MIER2: variants seen among roughly 807,000 people sequenced by gnomAD.
MIER2 encodes MIER family member 2.
Under a neutral mutation model 67.6 loss-of-function variants are expected in MIER2, and 30 were observed. That is an observed-to-expected ratio of 0.44 (90% confidence interval 0.33 to 0.60). The LOEUF (loss-of-function observed/expected upper bound fraction) is 0.60, where lower values mean the gene tolerates loss of function less well. Among genes scored for constraint, MIER2 ranks in the 20% least tolerant of loss-of-function variants. The pLI is 0.02. For synonymous variants in MIER2, 372 were observed against 312.6 expected (o/e 1.19, Z -2.00); for missense variants, 702 against 745.1 (o/e 0.94, Z 0.67).
rs546632294 is a variant in MIER2 at position 325,798 on chromosome 19, G to A, written c.586-94C>T. On this transcript the variant is annotated intron_variant, in intron 6 of 13. Transcript: ENST00000264819. ...CGTGCTGTGGCAGGCTTACGGGGAG[G>A]GGCCACTGTCCAGACCCCAGACCCA... 1.1e-5 allele frequency: 15 copies of A among 1,393,280 alleles called. No homozygotes were observed. The Admixed American group carries it at 1.9e-4, about 17-fold the overall frequency. 86.3% of individuals were successfully genotyped at this position (1,393,280 alleles called of 1,614,324 possible). A position where few individuals can be genotyped will look rare whatever the true frequency, so the allele number is the denominator to read the frequency against.
intron 1 of MIER2, among the ~76,000 whole-genome samples, chr19:339,944 A>C (rs909503483): frequency 6.6e-6 from 1 of 152,236 alleles, no homozygotes; most frequent in African/African-American, 2.4e-5. Flanking sequence ...TGAACTGGAC[A>C]CATTAAAACG....
chr19:327,934 T>A lies in MIER2; in HGVS notation c.299A>T (p.Asp100Val). The A allele has an allele frequency of 3.1e-6, 5 of 1,612,594 alleles. No individual in the cohort carries two copies. Residue 100 changes from aspartate (D) to valine (V), a missense_variant, in exon 4 of 14, where the codon GAC becomes GTC. Physicochemically the swap from Asp to Val is radical, Grantham distance 152 (BLOSUM62 -3). Around this residue, in one of 3 missense-constraint regions of MIER2, gnomAD observed 320 missense variants for 292.6 expected, o/e 1.09. Coordinates refer to ENST00000264819, the MANE Select transcript of MIER2 (RefSeq NM_017550.3). Reference protein sequence around the residue: ...LLALYGYEASDPISDRESEGG... With the variant: ...LLALYGYEASVPISDRESEGG... ...CTCACTCTCCCGGTCTGAAATGGGG[T>A]CTGACGCCTCGTAGCCATAGAGCGC...
chr19:341,257 A>T (rs1437886048), intron 1 of MIER2, among the ~76,000 whole-genome samples: 1 of 152,016 alleles, frequency 6.6e-6, no homozygotes, highest in Non-Finnish European at 1.5e-5. Context: ...GACCACATCA[A>T]ATGAGGCCCC....
intron 7 of MIER2, among the ~76,000 whole-genome samples, chr19:317,317 G>A (rs554284567): frequency 5.3e-5 from 8 of 152,014 alleles, no homozygotes; most frequent in Non-Finnish European, 1.2e-4. Context: ...CACGAGGTCA[G>A]GAGATCGAGA....
rs761706702 is a variant in MIER2, at chr19:308,608, C to A, written c.1167G>T (p.Pro389=). ...GCATCCCAGTCAGGGTGTCTTGCTC[C>A]GGGCGCGGACGGCCGGGGCCATCGG... ...SDPDGPGRPR[P]EQDTLTGMRT... Residue 389 remains proline, a synonymous_variant, in exon 12 of 14, where the codon CCG becomes CCT. Transcript: ENST00000264819. This position sits in a 1 kb window ranked among gnomAD's most constrained non-coding sequence, Gnocchi z 9.1. 1.2e-6 allele frequency: 2 copies of A among 1,606,730 alleles called. No individual in the cohort carries two copies. Among genetic ancestry groups the A allele is most frequent in the Non-Finnish European group, 8.5e-7 (1 of 1,177,902 alleles).
At chr19:341,296 C>T (rs1388961272) in intron 1 of MIER2, among the ~76,000 whole-genome samples, 1 of 143,950 alleles carries the variant, frequency 6.9e-6, no homozygotes, top group African/African-American at 2.6e-5. Context: ...ACAACAGTCC[C>T]GCAGGCTTGA....
intron 1 of MIER2, among the ~76,000 whole-genome samples, chr19:338,443 A>G (rs1438310546): frequency 6.6e-6 from 1 of 152,194 alleles, no homozygotes; most frequent in Non-Finnish European, 1.5e-5. Context: ...GGAAGATCCA[A>G]GGGAATGTAA....
chr19:313,214 C>T (rs1251792842), intron 8 of MIER2, among the ~76,000 whole-genome samples: 2 of 151,772 alleles, frequency 1.3e-5, no homozygotes, highest in African/African-American at 2.4e-5. Flanking sequence ...TCCTCCTGGG[C>T]GATGTCAGGG....
rs1003397628 is a variant in MIER2 at position 313,757 on chromosome 19, C to T, written c.656-114G>A. The T allele has an allele frequency of 1.1e-5, 15 of 1,425,196 alleles. No individual in the cohort carries two copies. The African/African-American group carries it at 1.7e-4, about 16-fold the overall frequency. 88.3% of individuals were successfully genotyped at this position (1,425,196 alleles called of 1,614,324 possible). A position where few individuals can be genotyped will look rare whatever the true frequency, so the allele number is the denominator to read the frequency against. On this transcript the variant is annotated intron_variant, in intron 7 of 13. Transcript: ENST00000264819. ...TGACAGGGAGGAGGCACTGTCCGTC[C>T]TCCCTTTCCCAAGCCCTGGGCCGCC...
intron 1 of MIER2, chr19:344,553 A>C: frequency 3.7e-6 from 1 of 272,080 alleles, no homozygotes; most frequent in Non-Finnish European, 5.3e-6. Flanking sequence ...GCAGCCCGCG[A>C]TGTGGCAGCC....
intron 1 of MIER2, among the ~76,000 whole-genome samples, chr19:341,132 G>C (rs994290579): frequency 6.6e-6 from 1 of 152,180 alleles, no homozygotes; most frequent in Non-Finnish European, 1.5e-5. Flanking sequence ...GCCCCCTCTA[G>C]GACCCTCTGG....
chr19:307,077 G>C, intron 13 of MIER2, 42 bp downstream of exon 13: 1 of 1,535,120 alleles, frequency 6.5e-7, no homozygotes, highest in Non-Finnish European at 8.8e-7. Flanking sequence ...GGGGGACCTG[G>C]TTGGAGTGTT....
intron 1 of MIER2, chr19:343,961 A>G: frequency 2.0e-6 from 2 of 985,408 alleles, no homozygotes; most frequent in South Asian, 9.4e-5. Flanking sequence ...GTCTTATCCT[A>G]GACAGTCCTA....
intron 1 of MIER2, among the ~76,000 whole-genome samples, chr19:343,548 A>AG (rs1972597215): frequency 6.6e-6 from 1 of 152,166 alleles, no homozygotes; most frequent in South Asian, 2.1e-4. Context: ...GGTCGTCACC[A>AG]GGGGGAGAGA....
intron 3 of MIER2, among the ~76,000 whole-genome samples, chr19:328,560 CA>C (rs1971873855): frequency 1.3e-5 from 2 of 152,010 alleles, no homozygotes; most frequent in East Asian, 3.9e-4. Flanking sequence ...CCAGCCTGGG[CA>C]ACATGGCGAA....
At position 307,160 on chromosome 19, in the gene MIER2, G is replaced by A; in HGVS notation, c.1575C>T (p.Pro525=). The A allele has an allele frequency of 6.3e-7, 1 of 1,588,816 alleles. No individual in the cohort carries two copies. ...GDVNPFLAAH[P]TCPAPGLHSE... is the part of the protein sequence containing the mutation. ...AGTGTAGCCCGGGGGCCGGGCACGT[G>A]GGGTGGGCGGCCAGGAAGGGGTTCA... is the stretch of plus-strand genomic sequence containing the variant. Residue 525 remains proline, a synonymous_variant, in exon 13 of 14, where the codon CCC becomes CCT. Coordinates refer to ENST00000264819, the MANE Select transcript of MIER2 (RefSeq NM_017550.3).
chr19:319,222 C>T (rs1296345926), intron 7 of MIER2, among the ~76,000 whole-genome samples: 2 of 151,628 alleles, frequency 1.3e-5, no homozygotes, highest in Admixed American at 6.6e-5. Flanking sequence ...ATTAGCTAGG[C>T]GTGGTGGCGG....
In MIER2 at chr19:323,385, C is replaced by T. The variant is rs1409806601; in HGVS notation, c.655+2250G>A. On this transcript the variant is annotated intron_variant, in intron 7 of 13. Transcript: ENST00000264819. Reference sequence around the variant, plus strand: ...AATGCAGTAAAGACACACACAACCACACAGATGACTCAAAGAACAGACATC... The same window carrying T: ...AATGCAGTAAAGACACACACAACCATACAGATGACTCAAAGAACAGACATC... Among the ~76,000 whole-genome samples the T allele has an allele frequency of 2.6e-5, 4 of 151,598 alleles. No individual in the cohort carries two copies. In the South Asian group the frequency reaches 6.3e-4, roughly 24 times the overall value.
chr19:309,011 C>T (rs1019336275), intron 10 of MIER2, 86 bp from the exon 11 acceptor site: 196 of 1,526,846 alleles, frequency 1.3e-4, no homozygotes, highest in Middle Eastern at 2.1e-4. Flanking sequence ...CCTGGGACCC[C>T]GGGACAGCAC....
Sources: allele counts gnomAD v4.1 joint callset (sites outside exome capture counted in the v4.1 genomes callset), GRCh38; gene constraint gnomAD v4.1.1; regional missense constraint gnomAD v4.1.1; non-coding constraint Gnocchi (gnomAD v3.1); transcripts MANE v1.5; gene names NCBI Gene and HGNC (gene_info 2026-07-23, HGNC 2026-07-21).